Variants in SS18 observed in about 807,000 individuals in gnomAD.
SS18 encodes the protein SS18 subunit of BAF chromatin remodeling complex.
SS18 carries 28 observed loss-of-function variants against 72.5 expected under a neutral mutation model. The observed-to-expected ratio is 0.39, with a 90% CI of 0.29 to 0.53. SS18 has a LOEUF of 0.53. Ranked by LOEUF, SS18 falls within the 20% of genes least tolerant of loss-of-function variation. The pLI, the probability that SS18 is intolerant of heterozygous loss-of-function variation, is 0.76. For synonymous variants in SS18, 172 were observed against 164.2 expected (o/e 1.05, Z -0.37); for missense variants, 518 against 535.3 (o/e 0.97, Z 0.32).
chr18:26,090,228 G>T, intron 1 of SS18: 1 of 485,172 alleles, frequency 2.1e-6, no homozygotes, highest in Non-Finnish European at 3.6e-6. Context: ...CCCGAACGCC[G>T]CCCCATCCCT....
chr18:26,083,297 T>G (rs930784931), intron 2 of SS18, among the ~76,000 whole-genome samples: 5 of 152,160 alleles, frequency 3.3e-5, no homozygotes, highest in African/African-American at 1.2e-4. Flanking sequence ...TTTTGCTGAC[T>G]CAGTTGGTTC....
chr18:26,091,109 A>C (rs1037298252), upstream of SS18: 19 of 153,754 alleles, frequency 1.2e-4, no homozygotes, highest in African/African-American at 4.6e-4. Flanking sequence ...TCCTGGCAAG[A>C]GTGGCCGCCC....
intron 3 of SS18, among the ~76,000 whole-genome samples, chr18:26,065,857 G>A (rs952502109): frequency 2.4e-3 from 267 of 110,566 alleles, no homozygotes; most frequent in African/African-American, 8.0e-3. Context: ...CTTTTTTTCA[G>A]TCTACATACA....
rs571374229 is a variant in SS18 at position 26,039,185 on chromosome 18, A to G, written c.775+104T>C. On this transcript the variant is annotated intron_variant, in intron 6 of 10. Coordinates refer to ENST00000415083, the MANE Select transcript of SS18 (RefSeq NM_001007559.3). ...CCTTTTGTCAAAAAAAAAAAAAAAA[A>G]AAAAAAAAAAGAAAACGCCCTGACT... The G allele has an allele frequency of 2.5e-3, 2,204 of 891,654 alleles. 37 individuals carry two copies. Among genetic ancestry groups the G allele is most frequent in the Non-Finnish European group, 1.4e-3 (893 of 644,358 alleles). 55.2% of individuals were successfully genotyped at this position (891,654 alleles called of 1,614,324 possible).
chr18:26,048,865 T>C (rs1467475737), intron 5 of SS18, among the ~76,000 whole-genome samples: 1 of 152,190 alleles, frequency 6.6e-6, no homozygotes, highest in Non-Finnish European at 1.5e-5. Flanking sequence ...ATCTCAAATG[T>C]TTTTGTGTTC....
At chr18:26,071,228 G>A (rs1473709205) in intron 3 of SS18, among the ~76,000 whole-genome samples, 1 of 152,140 alleles carries the variant, frequency 6.6e-6, no homozygotes, top group African/African-American at 2.4e-5. Flanking sequence ...ACCTACAGAT[G>A]TCAGAAATCC....
chr18:26,060,536 G>A (rs2054100148), intron 3 of SS18, among the ~76,000 whole-genome samples: 3 of 151,616 alleles, frequency 2.0e-5, no homozygotes, highest in South Asian at 4.2e-4. Flanking sequence ...TGGTTAAAAT[G>A]GTAAATCTTA....
At chr18:26,046,216 T>A (rs929410371) in intron 5 of SS18, among the ~76,000 whole-genome samples, 54 of 117,980 alleles carry the variant, frequency 4.6e-4, no homozygotes, top group South Asian at 7.6e-4. Context: ...AAAAAAGAAG[T>A]AGAAAAAAAA....
At chr18:26,026,914 G>GT (rs931182998) in intron 10 of SS18, among the ~76,000 whole-genome samples, 20 of 152,080 alleles carry the variant, frequency 1.3e-4, no homozygotes, top group Admixed American at 1.3e-3. Flanking sequence ...AAAAATAAAT[G>GT]TAAGACCTAT....
intron 1 of SS18, among the ~76,000 whole-genome samples, chr18:26,088,359 T>C: frequency 6.6e-6 from 1 of 152,202 alleles, no homozygotes; most frequent in East Asian, 1.9e-4. Context: ...CCAGGAGTCT[T>C]GATGAGGTAG....
chr18:26,051,191 A>T (rs2053916839), intron 5 of SS18, among the ~76,000 whole-genome samples: 1 of 152,186 alleles, frequency 6.6e-6, no homozygotes, highest in Admixed American at 6.5e-5. Flanking sequence ...CAAAATACAA[A>T]AAATAAAAAT....
intron 5 of SS18, among the ~76,000 whole-genome samples, chr18:26,046,703 C>T (rs974226126): frequency 1.2e-4 from 18 of 152,276 alleles, no homozygotes; most frequent in Middle Eastern, 3.4e-3. Flanking sequence ...GCACTTTTAT[C>T]TATGTTGGCC....
chr18:26,024,049 G>C (rs1315446297), intron 10 of SS18, among the ~76,000 whole-genome samples: 1 of 149,264 alleles, frequency 6.7e-6, no homozygotes, highest in Non-Finnish European at 1.5e-5. Context: ...GACGAACCTT[G>C]AAAATATTAT....
chr18:26,083,279 G>C (rs1008913719), intron 2 of SS18, among the ~76,000 whole-genome samples: 1 of 152,060 alleles, frequency 6.6e-6, no homozygotes, highest in Non-Finnish European at 1.5e-5. Context: ...ATCTGAAAAA[G>C]TTGAAAATTT....
Position 26,035,170 on chromosome 18 carries a change from G to A in SS18, c.974-43C>T. The A allele has an allele frequency of 6.2e-7, 1 of 1,602,028 alleles. No homozygotes were observed. Among genetic ancestry groups the A allele is most frequent in the Non-Finnish European group, 8.5e-7 (1 of 1,173,002 alleles). ...AAGAGGAAAAAAAACTGAGAAGTCT[G>A]CTTAAGTAACTTTTTTCCCTCTAAG... On this transcript the variant is annotated intron_variant, in intron 8 of 10. Coordinates refer to ENST00000415083, the MANE Select transcript of SS18 (RefSeq NM_001007559.3). The surrounding 1 kb of genome is among the most constrained non-coding windows in gnomAD (Gnocchi z 4.4).
At position 26,061,132 on chromosome 18, in the gene SS18, T is replaced by C. The variant is rs141329113; in HGVS notation, c.232-3390A>G. Among the ~76,000 whole-genome samples the C allele has an allele frequency of 6.9e-3, 1,052 of 152,184 alleles. 10 individuals are homozygous for C. Among genetic ancestry groups the C allele is most frequent in the African/African-American group, 0.023 (956 of 41,532 alleles). On this transcript the variant is annotated intron_variant, in intron 3 of 10. Coordinates refer to ENST00000415083, the MANE Select transcript of SS18 (RefSeq NM_001007559.3). ...ATCGAGACCATCCTGGCTAACACGG[T>C]GAAACCCTGTCTCTACTAAAAATAC...
At chr18:26,024,813 T>A (rs994275019) in intron 10 of SS18, among the ~76,000 whole-genome samples, 2 of 152,088 alleles carry the variant, frequency 1.3e-5, no homozygotes, top group African/African-American at 4.8e-5. Flanking sequence ...TACTTAATCA[T>A]ATCCATAATC....
chr18:26,075,446 T>C (rs933615972), intron 3 of SS18, among the ~76,000 whole-genome samples: 1 of 151,916 alleles, frequency 6.6e-6, no homozygotes, highest in African/African-American at 2.4e-5. Flanking sequence ...TATCAGTATA[T>C]TTTACCACAT....
chr18:26,047,598 T>C (rs895160800), intron 5 of SS18, among the ~76,000 whole-genome samples: 6 of 152,042 alleles, frequency 3.9e-5, no homozygotes, highest in South Asian at 2.1e-4. Flanking sequence ...TCCCAGCACT[T>C]TGGGAGGCCA....
Sources: allele counts gnomAD v4.1 joint callset (sites outside exome capture counted in the v4.1 genomes callset), GRCh38; gene constraint gnomAD v4.1.1; non-coding constraint Gnocchi (gnomAD v3.1); transcripts MANE v1.5; gene names NCBI Gene and HGNC (gene_info 2026-07-23, HGNC 2026-07-21).